The following GNG4 variants were observed in gnomAD, a reference collection of about 807,000 sequenced individuals.
The protein encoded by GNG4 is guanine nucleotide-binding protein G(I)/G(S)/G(O) subunit gamma-4.
In GNG4, 4 loss-of-function variants were observed where a neutral mutation model predicts 5.8. The ratio of observed to expected loss-of-function variants is 0.69; its 90% CI spans 0.34 to 1.57. The LOEUF (loss-of-function observed/expected upper bound fraction) is 1.57. Among genes scored for constraint, GNG4 ranks in the 40% most tolerant of loss-of-function variants. The probability of loss-of-function intolerance (pLI) is 0.06; values close to 1 mark genes in which losing one functional copy is unlikely to be tolerated. For missense variants in GNG4, 96 were observed against 95.1 expected (o/e 1.01, Z -0.04); for synonymous variants, 29 against 32.9 (o/e 0.88, Z 0.41).
rs537068981 is a variant in GNG4 at position 235,637,340 on chromosome 1, G to C, written c.-123+12322C>G. Among the ~76,000 whole-genome samples, 3 of 152,138 alleles carry C rather than the reference G, an allele frequency of 2.0e-5. No individual in the cohort carries two copies. In the South Asian group the frequency reaches 6.2e-4, roughly 32 times the overall value. On this transcript the variant is annotated intron_variant, in intron 1 of 3. Coordinates refer to ENST00000391854, the MANE Select transcript of GNG4 (RefSeq NM_001098722.2). ...TATTTCAGTCAAACGCTGGAAGATG[G>C]GGGATGCTTTATATTAAAGAATTAG...
At chr1:235,601,013 A>G (rs1404100070) in intron 1 of GNG4, among the ~76,000 whole-genome samples, 1 of 152,220 alleles carries the variant, frequency 6.6e-6, no homozygotes. Flanking sequence ...GCTTCAACAG[A>G]GACTTTAATT....
At chr1:235,646,446 G>A (rs967922455) in intron 1 of GNG4, among the ~76,000 whole-genome samples, 41 of 152,308 alleles carry the variant, frequency 2.7e-4, no homozygotes, top group African/African-American at 9.9e-4. Context: ...AACTTGGCAG[G>A]TATCCTGTGA....
intron 3 of GNG4, among the ~76,000 whole-genome samples, chr1:235,565,150 T>A (rs1430253730): frequency 6.6e-6 from 1 of 152,156 alleles, no homozygotes; most frequent in Non-Finnish European, 1.5e-5. Flanking sequence ...CGGGCCATGG[T>A]GCTGGCAAGA....
At chr1:235,646,344 A>C (rs1218707438) in intron 1 of GNG4, among the ~76,000 whole-genome samples, 1 of 152,216 alleles carries the variant, frequency 6.6e-6, no homozygotes, top group African/African-American at 2.4e-5. Context: ...TACATCAGTT[A>C]AAAAAGGTTC....
At chr1:235,593,521 G>T (rs2774320) in intron 2 of GNG4, among the ~76,000 whole-genome samples, 107,015 of 152,076 alleles carry the variant, frequency 0.7, 39,451 homozygotes, top group African/African-American at 0.92. Flanking sequence ...AAGACAGCTG[G>T]GTCCGGAATT....
intron 3 of GNG4, among the ~76,000 whole-genome samples, chr1:235,572,589 C>T (rs2841883): frequency 0.68 from 101,719 of 150,136 alleles, 34,882 homozygotes; most frequent in East Asian, 0.87. Context: ...GCAACCTCTG[C>T]CTCCTGGGTT....
chr1:235,618,857 T>C (rs1022839246), intron 1 of GNG4, among the ~76,000 whole-genome samples: 3 of 151,560 alleles, frequency 2.0e-5, no homozygotes, highest in Non-Finnish European at 4.4e-5. Flanking sequence ...GGTTTCACCA[T>C]GTTGGCCGGG....
chr1:235,599,308 GT>G (rs1688197948), intron 1 of GNG4, among the ~76,000 whole-genome samples: 1 of 137,472 alleles, frequency 7.3e-6, no homozygotes, highest in African/African-American at 2.9e-5. Flanking sequence ...GTCGTTGTTT[GT>G]TTTTTGGTTT....
At chr1:235,569,827 A>C (rs2841888) in intron 3 of GNG4, among the ~76,000 whole-genome samples, 70,019 of 151,870 alleles carry the variant, frequency 0.46, 17,191 homozygotes, top group East Asian at 0.87. Context: ...CGGCCTCCCA[A>C]AGTGCTGGGA....
At chr1:235,609,634 C>G (rs959504328) in intron 1 of GNG4, among the ~76,000 whole-genome samples, 1 of 152,060 alleles carries the variant, frequency 6.6e-6, no homozygotes, top group Non-Finnish European at 1.5e-5. Flanking sequence ...GTTTCCTGGC[C>G]GGGCGCAGTG....
At chr1:235,581,295 C>CG (rs974396970) in intron 3 of GNG4, among the ~76,000 whole-genome samples, 3 of 151,914 alleles carry the variant, frequency 2.0e-5, no homozygotes, top group African/African-American at 4.8e-5. Context: ...CTTGGGAGGC[C>CG]GAGGCAGGCG....
intron 2 of GNG4, among the ~76,000 whole-genome samples, chr1:235,588,626 A>T (rs1255517880): frequency 6.6e-6 from 1 of 151,710 alleles, no homozygotes; most frequent in Non-Finnish European, 1.5e-5. Context: ...CCCATCAGAC[A>T]TCCACAATCC....
At chr1:235,641,457 G>A (rs908250885) in intron 1 of GNG4, among the ~76,000 whole-genome samples, 16 of 152,268 alleles carry the variant, frequency 1.1e-4, no homozygotes, top group Admixed American at 8.5e-4. Flanking sequence ...TTGGGAGGCC[G>A]AGGCAGGCGG....
chr1:235,637,285 A>C (rs1657133269), intron 1 of GNG4, among the ~76,000 whole-genome samples: 1 of 152,198 alleles, frequency 6.6e-6, no homozygotes, highest in Admixed American at 6.6e-5. Flanking sequence ...ACAATGCTTA[A>C]AACACCACCT....
chr1:235,617,907 A>G (rs976295787), intron 1 of GNG4, among the ~76,000 whole-genome samples: 3 of 151,362 alleles, frequency 2.0e-5, no homozygotes, highest in Non-Finnish European at 4.4e-5. Flanking sequence ...AAAAAAAAAA[A>G]AGAAAGAAAA....
intron 1 of GNG4, among the ~76,000 whole-genome samples, chr1:235,613,825 T>C (rs1475325666): frequency 6.6e-6 from 1 of 152,158 alleles, no homozygotes; most frequent in Non-Finnish European, 1.5e-5. Flanking sequence ...TTGCCAAGGT[T>C]GGGTTCTCAT....
intron 3 of GNG4, among the ~76,000 whole-genome samples, chr1:235,580,642 T>C (rs922312396): frequency 3.3e-5 from 5 of 151,996 alleles, no homozygotes; most frequent in Non-Finnish European, 7.3e-5. Flanking sequence ...CTCCCTGGAA[T>C]TACCACAGGA....
At chr1:235,640,677 C>T (rs546163016) in intron 1 of GNG4, among the ~76,000 whole-genome samples, 7 of 152,366 alleles carry the variant, frequency 4.6e-5, no homozygotes, top group Admixed American at 2.6e-4. Context: ...GAGTTGAGGG[C>T]GGCCTCTCTA....
At chr1:235,600,380 G>A (rs373058814) in intron 1 of GNG4, among the ~76,000 whole-genome samples, 7 of 151,550 alleles carry the variant, frequency 4.6e-5, no homozygotes, top group African/African-American at 1.7e-4. Context: ...CTCCCAAAGC[G>A]TTGGGATTAC....
Sources: allele counts gnomAD v4.1 joint callset (sites outside exome capture counted in the v4.1 genomes callset), GRCh38; gene constraint gnomAD v4.1.1; transcripts MANE v1.5; gene names NCBI Gene and HGNC (gene_info 2026-07-23, HGNC 2026-07-21).